The following SNX6 variants were observed in gnomAD, a reference collection of about 807,000 sequenced individuals.
The protein encoded by SNX6 is sorting nexin-6.
A neutral mutation model predicts 63.0 loss-of-function variants in SNX6; 34 were observed. The observed-to-expected ratio is 0.54, with a 90% CI of 0.41 to 0.72. The LOEUF (loss-of-function observed/expected upper bound fraction) is 0.72, where lower values mean the gene tolerates loss of function less well. Ranked by LOEUF, SNX6 falls within the 30% of genes least tolerant of loss-of-function variation. The probability of loss-of-function intolerance (pLI) is 0.00; values close to 1 mark genes in which losing one functional copy is unlikely to be tolerated. For synonymous variants in SNX6, 170 were observed against 164.2 expected, an observed-to-expected ratio of 1.04 and a Z score of -0.27; for missense variants, 398 against 471.4, an observed-to-expected ratio of 0.84 and a Z score of 1.44.
intron 10 of SNX6, among the ~76,000 whole-genome samples, chr14:34,578,617 G>A (rs1322397848): frequency 1.6e-5 from 2 of 127,254 alleles, no homozygotes; most frequent in Admixed American, 9.1e-5. Flanking sequence ...GTGACAGAGT[G>A]AGATCTGTCT....
chr14:34,578,038 C>T (rs1429501299), intron 10 of SNX6, among the ~76,000 whole-genome samples: 3 of 146,530 alleles, frequency 2.0e-5, no homozygotes, highest in Non-Finnish European at 4.5e-5. Context: ...ACCCCACCCC[C>T]CCGTCTCTAC....
intron 2 of SNX6, among the ~76,000 whole-genome samples, chr14:34,622,781 G>A (rs1883676030): frequency 6.6e-6 from 1 of 152,116 alleles, no homozygotes; most frequent in Admixed American, 6.6e-5. Context: ...AGGCCCTAGA[G>A]CTAGATTGCC....
In SNX6 at chr14:34,587,208, A is replaced by G. The variant is rs147852591; in HGVS notation, c.719-903T>C. On this transcript the variant is annotated intron_variant, in intron 8 of 13. Transcript: ENST00000362031. ...AAAATATGCTGTGTTTCTATGTATT[A>G]GCAAAGAACAATTTGAAATTGAAAT... is the stretch of plus-strand genomic sequence containing the variant. Among the ~76,000 whole-genome samples, 50 of 152,060 alleles carry G rather than the reference A, an allele frequency of 3.3e-4. No individual in the cohort carries two copies. In the East Asian group the frequency reaches 6.0e-3, roughly 18 times the overall value.
intron 2 of SNX6, among the ~76,000 whole-genome samples, chr14:34,623,522 G>A (rs1045275753): frequency 3.9e-5 from 6 of 152,084 alleles, no homozygotes; most frequent in South Asian, 2.1e-4. Context: ...GTAATTTGAC[G>A]ACTGAATTGG....
At chr14:34,609,589 G>T in intron 3 of SNX6, 49 bp downstream of exon 3, 2 of 1,107,576 alleles carry the variant, frequency 1.8e-6, no homozygotes, top group Non-Finnish European at 1.4e-6. Flanking sequence ...TATCACATAT[G>T]TAGTATAATA....
chr14:34,583,478 G>A (rs1427743515), intron 9 of SNX6, among the ~76,000 whole-genome samples: 3 of 139,740 alleles, frequency 2.1e-5, no homozygotes, highest in Non-Finnish European at 3.0e-5. Flanking sequence ...CTGTCACCCC[G>A]TTCTGGCACA....
intron 8 of SNX6, among the ~76,000 whole-genome samples, chr14:34,590,400 C>A (rs1187074919): frequency 6.8e-6 from 1 of 147,826 alleles, no homozygotes; most frequent in Non-Finnish European, 1.5e-5. Context: ...TGCACTCCAG[C>A]AGCCTGGGCG....
intron 2 of SNX6, among the ~76,000 whole-genome samples, chr14:34,618,074 G>C (rs1883490586): frequency 6.6e-6 from 1 of 152,036 alleles, no homozygotes; most frequent in Non-Finnish European, 1.5e-5. Flanking sequence ...GGATGGGATG[G>C]GGCAAAGAGG....
rs7149227 is a variant in SNX6 at position 34,593,018 on chromosome 14, T to G, written c.718+27A>C. ...TTTATAATTATTCCATTAAAAGATA[T>G]AAGCTTTAGCCACAGAAAAATCTTA... is the stretch of plus-strand genomic sequence containing the variant. On this transcript the variant is annotated intron_variant, in intron 8 of 13. Transcript: ENST00000362031. The G allele has an allele frequency of 7.1e-4, 989 of 1,397,648 alleles. 1 individual carries two copies. Among genetic ancestry groups the G allele is most frequent in the African/African-American group, 4.4e-3 (310 of 69,718 alleles). 86.6% of individuals were successfully genotyped at this position (1,397,648 alleles called of 1,614,324 possible). A position where few individuals can be genotyped will look rare whatever the true frequency, so the allele number is the denominator to read the frequency against.
At chr14:34,601,415 G>A (rs1169293381) in intron 6 of SNX6, among the ~76,000 whole-genome samples, 4 of 151,488 alleles carry the variant, frequency 2.6e-5, no homozygotes, top group Admixed American at 6.6e-5. Flanking sequence ...AAGTAGAGAC[G>A]GGGTTTCACC....
intron 11 of SNX6, among the ~76,000 whole-genome samples, chr14:34,569,581 C>T (rs535937908): frequency 6.6e-6 from 1 of 152,256 alleles, no homozygotes; most frequent in Admixed American, 6.5e-5. Context: ...CGTGTGCCAC[C>T]AAGCCTGGCT....
rs146998778 is a variant in SNX6 at position 34,570,453 on chromosome 14, GCT to G, written c.922-2442_922-2441del. Among the ~76,000 whole-genome samples, 1,482 of 148,684 alleles carry G rather than the reference GCT, an allele frequency of 1.0e-2. 29 individuals are homozygous for G. Among genetic ancestry groups the G allele is most frequent in the African/African-American group, 0.035 (1,404 of 40,210 alleles). On this transcript the variant is annotated intron_variant, in intron 11 of 13. Coordinates refer to ENST00000362031, the MANE Select transcript of SNX6 (RefSeq NM_152233.4). ...TTTTTTTTTCCTGAGACTGAGTCGT[GCT>G]CTGTCATCCAGGCTGGAGTGCAGTG...
intron 2 of SNX6, among the ~76,000 whole-genome samples, chr14:34,611,936 G>C (rs999517319): frequency 6.6e-5 from 10 of 151,850 alleles, no homozygotes; most frequent in Non-Finnish European, 1.3e-4. Context: ...CCACCACCAC[G>C]CCTGGCTCAT....
At position 34,565,617 on chromosome 14, in the gene SNX6, A is replaced by G. The variant is rs577763049; in HGVS notation, c.1167+2069T>C. 1.7e-3 allele frequency among the ~76,000 whole-genome samples: 249 copies of G among 146,032 alleles called. 2 individuals are homozygous for G. The highest frequency in any genetic ancestry group is 6.1e-3 in the African/African-American group (238 of 39,304). On this transcript the variant is annotated intron_variant, in intron 13 of 13. Coordinates refer to ENST00000362031, the MANE Select transcript of SNX6 (RefSeq NM_152233.4). ...CGGCAACCTCCGCCTCCCGGGTTCGAGCGATCGTCTCGCCTCAGCCTCCGG... is the reference window on the plus strand; with the variant it reads ...CGGCAACCTCCGCCTCCCGGGTTCGGGCGATCGTCTCGCCTCAGCCTCCGG...
At chr14:34,623,275 A>G (rs1000079788) in intron 2 of SNX6, among the ~76,000 whole-genome samples, 1 of 151,768 alleles carries the variant, frequency 6.6e-6, no homozygotes, top group South Asian at 2.1e-4. Flanking sequence ...GGTGAGGGGG[A>G]AAAAAAACAC....
Position 34,565,148 on chromosome 14 carries a change from G to A in SNX6, c.1168-1973C>T, listed in dbSNP as rs191457531. On this transcript the variant is annotated intron_variant, in intron 13 of 13. Transcript: ENST00000362031. Reference sequence around the variant, plus strand: ...GCTGGACTGCAGTGGCATGATCTCAGCTCGCTGCAAGCTCTGTCTCCCGGG... The same window carrying A: ...GCTGGACTGCAGTGGCATGATCTCAACTCGCTGCAAGCTCTGTCTCCCGGG... 6.6e-3 allele frequency among the ~76,000 whole-genome samples: 977 copies of A among 148,984 alleles called. 11 individuals carry two copies. Among genetic ancestry groups the A allele is most frequent in the African/African-American group, 0.023 (936 of 40,366 alleles).
intron 11 of SNX6, among the ~76,000 whole-genome samples, chr14:34,569,995 C>G (rs1881369343): frequency 6.6e-6 from 1 of 152,064 alleles, no homozygotes; most frequent in Non-Finnish European, 1.5e-5. Flanking sequence ...ACATTCCTAC[C>G]AACACCATAT....
At chr14:34,578,937 CAAAAAAAAAA>C (rs71121210) in intron 10 of SNX6, among the ~76,000 whole-genome samples, 11 of 22,542 alleles carry the variant, frequency 4.9e-4, no homozygotes, top group Non-Finnish European at 8.3e-4. Flanking sequence ...GACTTCATCT[CAAAAAAAAAA>C]AAAAAAAAAA....
chr14:34,565,295 T>C (rs1486644242), intron 13 of SNX6, among the ~76,000 whole-genome samples: 1 of 151,820 alleles, frequency 6.6e-6, no homozygotes, highest in East Asian at 1.9e-4. Context: ...GCCAGGATGG[T>C]CTCGATCTCC....
Sources: allele counts gnomAD v4.1 joint callset (sites outside exome capture counted in the v4.1 genomes callset), GRCh38; gene constraint gnomAD v4.1.1; transcripts MANE v1.5; gene names NCBI Gene and HGNC (gene_info 2026-07-23, HGNC 2026-07-21).